The following CLVS1 variants were observed in gnomAD, a reference collection of about 807,000 sequenced individuals.
The protein encoded by CLVS1 is clavesin-1.
CLVS1 carries 10 observed loss-of-function variants against 33.1 expected under a neutral mutation model. The ratio of observed to expected loss-of-function variants is 0.30; its 90% CI spans 0.19 to 0.51. The LOEUF (loss-of-function observed/expected upper bound fraction) is 0.51, where lower values mean the gene tolerates loss of function less well. Among genes scored for constraint, CLVS1 ranks in the 20% least tolerant of loss-of-function variants. The pLI, the probability that CLVS1 is intolerant of heterozygous loss-of-function variation, is 0.97. For synonymous variants in CLVS1, 163 were observed against 166.1 expected (o/e 0.98, Z 0.14); for missense variants, 343 against 433.4 (o/e 0.79, Z 1.85).
At chr8:60,985,802 GAAAAA>G in the CLVS1 span, among the ~76,000 whole-genome samples, 1 of 107,802 alleles carries the variant, frequency 9.3e-6, no homozygotes, top group Non-Finnish European at 1.9e-5. Context: ...GGGCTGCTGT[GAAAAA>G]AAAAAAAAAA....
intron 1 of CLVS1, among the ~76,000 whole-genome samples, chr8:61,109,910 G>A (rs1365149900): frequency 2.0e-5 from 3 of 152,108 alleles, no homozygotes; most frequent in East Asian, 1.9e-4. Context: ...AAGAAGATGC[G>A]CCCCATCAAC....
At chr8:61,066,871 A>G (rs1247981031) in intron 1 of CLVS1, among the ~76,000 whole-genome samples, 1 of 152,132 alleles carries the variant, frequency 6.6e-6, no homozygotes, top group Non-Finnish European at 1.5e-5. Context: ...ATTTCCATAC[A>G]TGTCCATCTG....
chr8:61,298,153 T>C (rs2129594426), intron 1 of CLVS1, among the ~76,000 whole-genome samples: 1 of 151,670 alleles, frequency 6.6e-6, no homozygotes, highest in Middle Eastern at 3.4e-3. Context: ...AAGGAAGACA[T>C]TGGGTAAGGC....
At chr8:61,044,329 CAG>C in the CLVS1 span, among the ~76,000 whole-genome samples, 4 of 152,272 alleles carry the variant, frequency 2.6e-5, no homozygotes, top group East Asian at 3.9e-4. Flanking sequence ...CTTGTAGAGA[CAG>C]AACATCCAAA....
chr8:61,425,011 T>C (rs1815826880), intron 3 of CLVS1, among the ~76,000 whole-genome samples: 1 of 152,214 alleles, frequency 6.6e-6, no homozygotes, highest in African/African-American at 2.4e-5. Context: ...TTAGGAATGC[T>C]GAACCAGTAT....
intron 2 of CLVS1, among the ~76,000 whole-genome samples, chr8:61,138,880 G>C (rs1034190285): frequency 6.6e-6 from 1 of 152,204 alleles, no homozygotes; most frequent in African/African-American, 2.4e-5. Context: ...CCAGGTGTTG[G>C]CTCGCTCTTT....
intron 2 of CLVS1, among the ~76,000 whole-genome samples, chr8:61,350,312 T>C (rs1038423145): frequency 5.9e-5 from 9 of 152,200 alleles, no homozygotes; most frequent in Non-Finnish European, 1.0e-4. Flanking sequence ...TGCTGACTTC[T>C]CTTTCCAGAG....
In CLVS1 at chr8:61,080,502, T is replaced by C. The variant is rs1278885176; in HGVS notation, c.-243+23272T>C. 5.3e-5 allele frequency among the ~76,000 whole-genome samples: 8 copies of C among 152,344 alleles called. No individual in the cohort carries two copies. The East Asian group carries it at 1.5e-3, about 29-fold the overall frequency. On this transcript the variant is annotated intron_variant, in intron 1 of 2. Coordinates refer to the CLVS1 transcript ENST00000522621. ...TATGAAAATCTCTGAGTTCTAGCAC[T>C]TGGGATTCATTTATTTCCTTTGTGA...
chr8:61,072,085 A>G (rs1160813905), intron 1 of CLVS1, among the ~76,000 whole-genome samples: 2 of 152,086 alleles, frequency 1.3e-5, no homozygotes, highest in Admixed American at 6.5e-5. Context: ...CTAGTCTCTG[A>G]AGTCCCAAAG....
upstream of CLVS1, among the ~76,000 whole-genome samples, chr8:61,054,754 C>T (rs903654175): frequency 6.6e-6 from 1 of 152,126 alleles, no homozygotes; most frequent in African/African-American, 2.4e-5. Context: ...TCATCTCTCT[C>T]CTATACCTGG....
chr8:61,050,348 C>G, the CLVS1 span, among the ~76,000 whole-genome samples: 1 of 152,240 alleles, frequency 6.6e-6, no homozygotes, highest in African/African-American at 2.4e-5. Context: ...GCTTTGCTTG[C>G]ATCTCCCACT....
At chr8:61,012,243 C>A in the CLVS1 span, among the ~76,000 whole-genome samples, 1 of 152,092 alleles carries the variant, frequency 6.6e-6, no homozygotes, top group East Asian at 1.9e-4. Context: ...AACTTCCTTC[C>A]ACCCCACAAC....
At chr8:61,157,567 A>G (rs1806675150) in intron 2 of CLVS1, among the ~76,000 whole-genome samples, 1 of 152,146 alleles carries the variant, frequency 6.6e-6, no homozygotes, top group South Asian at 2.1e-4. Context: ...GGCTATCACA[A>G]TTAAAAATCT....
At chr8:61,494,075 C>G (rs1804189782) in intron 5 of CLVS1, among the ~76,000 whole-genome samples, 1 of 152,162 alleles carries the variant, frequency 6.6e-6, no homozygotes, top group South Asian at 2.1e-4. Flanking sequence ...AAAAGTAGAC[C>G]TGAGAGCAGA....
intron 5 of CLVS1, among the ~76,000 whole-genome samples, chr8:61,478,858 T>C (rs532497400): frequency 3.9e-5 from 6 of 152,268 alleles, no homozygotes; most frequent in Non-Finnish European, 7.4e-5. Flanking sequence ...GATCCTGTCA[T>C]TGAAATTCTG....
At chr8:61,389,908 G>T (rs1039186210) in intron 3 of CLVS1, among the ~76,000 whole-genome samples, 2 of 152,150 alleles carry the variant, frequency 1.3e-5, no homozygotes, top group African/African-American at 4.8e-5. Context: ...AATTTTTTGA[G>T]GGTTTACGAG....
At chr8:61,172,128 C>A (rs1342928796) in intron 2 of CLVS1, among the ~76,000 whole-genome samples, 1 of 152,216 alleles carries the variant, frequency 6.6e-6, no homozygotes, top group African/African-American at 2.4e-5. Context: ...TCATCCATCA[C>A]TTCAACGTAT....
chr8:61,447,632 T>C (rs1019766938), intron 3 of CLVS1, among the ~76,000 whole-genome samples: 1 of 152,048 alleles, frequency 6.6e-6, no homozygotes, highest in African/African-American at 2.4e-5. Context: ...CCAGTTCAAG[T>C]GAAGTATGGA....
the CLVS1 span, among the ~76,000 whole-genome samples, chr8:61,009,629 G>A: frequency 6.6e-6 from 1 of 151,918 alleles, no homozygotes; most frequent in African/African-American, 2.4e-5. Flanking sequence ...TTTCTTATTG[G>A]TCTGTAGGAC....
Sources: allele counts gnomAD v4.1 joint callset (sites outside exome capture counted in the v4.1 genomes callset), GRCh38; gene constraint gnomAD v4.1.1; transcripts MANE v1.5; gene names NCBI Gene and HGNC (gene_info 2026-07-23, HGNC 2026-07-21).